METTL15: variants seen among roughly 807,000 people sequenced by gnomAD.
METTL15 encodes methyltransferase 15, mitochondrial 12S rRNA N4-cytidine, also known as 12S rRNA N(4)-cytidine methyltransferase METTL15.
A neutral mutation model predicts 38.3 loss-of-function variants in METTL15; 34 were observed. The observed-to-expected ratio is 0.89, with a 90% confidence interval of 0.68 to 1.18. The LOEUF is 1.18. Ranked by LOEUF, METTL15 falls within the 50% of genes most tolerant of loss-of-function variation. The probability of loss-of-function intolerance (pLI) is 0.00; values close to 1 mark genes in which losing one functional copy is unlikely to be tolerated. For missense variants in METTL15, 438 were observed against 498.4 expected, an observed-to-expected ratio of 0.88 and a Z score of 1.15; for synonymous variants, 162 against 170.9, an observed-to-expected ratio of 0.95 and a Z score of 0.41.
Position 28,332,490 on chromosome 11 carries a change from A to G in METTL15, c.*1649A>G, listed in dbSNP as rs1849843057. 6.6e-6 allele frequency: 1 copy of G among 151,636 alleles called. No individual in the cohort carries two copies. Among genetic ancestry groups the G allele is most frequent in the Non-Finnish European group, 1.5e-5 (1 of 68,006 alleles). The allele number at this position is 151,636 out of a possible 1,614,324, so 9.4% of individuals were successfully genotyped here. ...ATGGGAATTATTTTTTATGTTAAAT[A>G]GAAACTGAATGTACTGGGTTGAATG... On this transcript the variant is annotated 3_prime_UTR_variant, in exon 7 of 7. Coordinates refer to ENST00000407364, the MANE Select transcript of METTL15 (RefSeq NM_001113528.2).
downstream of METTL15, among the ~76,000 whole-genome samples, chr11:28,529,957 G>A (rs1271373630): frequency 1.3e-5 from 2 of 152,070 alleles, no homozygotes; most frequent in African/African-American, 4.8e-5. Context: ...ATAAAATATG[G>A]GGATAAAAGG....
chr11:28,293,275 G>A (rs1254308300), intron 5 of METTL15, among the ~76,000 whole-genome samples: 1 of 152,092 alleles, frequency 6.6e-6, no homozygotes, highest in Non-Finnish European at 1.5e-5. Flanking sequence ...TCTACATATG[G>A]CTAGCGAGTT....
At chr11:28,189,200 ATTTC>A (rs1267905234) in intron 3 of METTL15, among the ~76,000 whole-genome samples, 1 of 151,354 alleles carries the variant, frequency 6.6e-6, no homozygotes, top group East Asian at 1.9e-4. Context: ...TCCATGATTC[ATTTC>A]TTTCTTTAAC....
intron 6 of METTL15, among the ~76,000 whole-genome samples, chr11:28,440,244 A>G (rs1344642690): frequency 2.0e-5 from 3 of 152,196 alleles, no homozygotes; most frequent in African/African-American, 2.4e-5. Context: ...TAGAGGAGAA[A>G]TGGTTAAGTA....
chr11:28,165,697 A>G (rs1850634680), intron 3 of METTL15, among the ~76,000 whole-genome samples: 1 of 137,198 alleles, frequency 7.3e-6, no homozygotes, highest in South Asian at 2.4e-4. Context: ...TTTGTTGCCT[A>G]TGCTTCAGGG....
intron 3 of METTL15, chr11:28,134,480 C>G (rs777088993): frequency 4.3e-5 from 17 of 398,064 alleles, no homozygotes; most frequent in Non-Finnish European, 6.2e-5. Flanking sequence ...TGGAGGTTCT[C>G]CAGGGATCCT....
At chr11:28,468,399 C>G (rs1405472234) in intron 6 of METTL15, among the ~76,000 whole-genome samples, 4 of 152,024 alleles carry the variant, frequency 2.6e-5, no homozygotes, top group Admixed American at 6.6e-5. Context: ...ATTTTGTTCC[C>G]CAGAGAAGCT....
chr11:28,371,217 A>T (rs965688955), intron 5 of METTL15, among the ~76,000 whole-genome samples: 1 of 152,004 alleles, frequency 6.6e-6, no homozygotes, highest in Non-Finnish European at 1.5e-5. Context: ...TTTGAGAAAT[A>T]GGGGTCTTGT....
chr11:28,382,785 A>C (rs1040175154), intron 5 of METTL15, among the ~76,000 whole-genome samples: 3 of 152,052 alleles, frequency 2.0e-5, no homozygotes, highest in Admixed American at 6.5e-5. Context: ...CAGTGAGCCA[A>C]GATAGCGCCA....
At chr11:28,509,967 C>T (rs1851661302) in intron 6 of METTL15, among the ~76,000 whole-genome samples, 1 of 151,746 alleles carries the variant, frequency 6.6e-6, no homozygotes, top group Non-Finnish European at 1.5e-5. Context: ...GTTACTATGA[C>T]AATGGAGTAA....
chr11:28,325,277 A>C (rs961867161), intron 6 of METTL15, among the ~76,000 whole-genome samples: 1 of 152,222 alleles, frequency 6.6e-6, no homozygotes, highest in African/African-American at 2.4e-5. Context: ...GAGTCATGCA[A>C]GATGTAAACA....
intron 5 of METTL15, among the ~76,000 whole-genome samples, chr11:28,393,663 A>C (rs1224501900): frequency 6.6e-6 from 1 of 152,108 alleles, no homozygotes; most frequent in Admixed American, 6.6e-5. Context: ...TCTCAGAACA[A>C]GTGATATCAG....
intron 4 of METTL15, among the ~76,000 whole-genome samples, chr11:28,248,605 A>C (rs1374800141): frequency 6.6e-6 from 1 of 152,036 alleles, no homozygotes; most frequent in Non-Finnish European, 1.5e-5. Context: ...ACTTATTCTA[A>C]ACTATAATTT....
intron 5 of METTL15, among the ~76,000 whole-genome samples, chr11:28,382,701 G>T (rs1850401196): frequency 6.6e-6 from 1 of 152,012 alleles, no homozygotes; most frequent in African/African-American, 2.4e-5. Flanking sequence ...CAGGCATGGA[G>T]GTGCATGCCT....
chr11:28,439,813 T>C (rs867194847), intron 6 of METTL15, among the ~76,000 whole-genome samples: 8 of 152,198 alleles, frequency 5.3e-5, no homozygotes, highest in Non-Finnish European at 7.3e-5. Flanking sequence ...TGGTTCTCAA[T>C]TGGAGGAGAT....
At chr11:28,489,769 G>C (rs1851478627) in intron 6 of METTL15, among the ~76,000 whole-genome samples, 2 of 152,100 alleles carry the variant, frequency 1.3e-5, no homozygotes, top group Admixed American at 6.6e-5. Flanking sequence ...TATATTGTGA[G>C]AATAATATTA....
chr11:28,498,344 G>C (rs954107995), intron 6 of METTL15, among the ~76,000 whole-genome samples: 2 of 152,108 alleles, frequency 1.3e-5, no homozygotes, highest in Middle Eastern at 3.4e-3. Context: ...ATTTTTAGTA[G>C]AGACAGGATT....
chr11:28,405,357 T>C (rs758905127), intron 5 of METTL15, among the ~76,000 whole-genome samples: 5 of 152,188 alleles, frequency 3.3e-5, no homozygotes, highest in Admixed American at 6.6e-5. Context: ...AGACATGCAG[T>C]GCTTGCCATA....
rs191330679 is a variant in METTL15 at position 28,392,647 on chromosome 11, C to T, written c.*358+30611C>T. Among the ~76,000 whole-genome samples, 310 of 152,074 alleles carry T rather than the reference C, an allele frequency of 2.0e-3. 1 individual carries two copies. Among genetic ancestry groups the T allele is most frequent in the African/African-American group, 7.3e-3 (301 of 41,512 alleles). On this transcript the variant is annotated intron_variant and NMD_transcript_variant, in intron 5 of 7. Coordinates refer to the METTL15 transcript ENST00000532947. ...AAAGTAAAAGCAAAAAAAGCAAAAG[C>T]AGACAAATGGTACTATATCAAACTT...
Sources: gnomAD v4.1 joint callset for allele counts (sites outside exome capture counted in the v4.1 genomes callset) on GRCh38, gnomAD v4.1.1 for gene constraint, MANE v1.5 for transcripts, NCBI Gene and HGNC (gene_info 2026-07-23, HGNC 2026-07-21) for gene names.